KLRD1: variants seen among roughly 807,000 people sequenced by gnomAD.
KLRD1 encodes the protein natural killer cells antigen CD94.
In KLRD1, 21 loss-of-function variants were observed where a neutral mutation model predicts 22.6. The ratio of observed to expected loss-of-function variants is 0.93; its 90% CI spans 0.66 to 1.34. KLRD1 has a LOEUF of 1.34. Ranked by LOEUF, KLRD1 falls within the 40% of genes most tolerant of loss-of-function variation. The probability of loss-of-function intolerance (pLI) is 0.00; values close to 1 mark genes in which losing one functional copy is unlikely to be tolerated. For synonymous variants in KLRD1, 59 were observed against 71.1 expected (o/e 0.83, Z 0.85); for missense variants, 183 against 208.6 (o/e 0.88, Z 0.76).
intron 1 of KLRD1, among the ~76,000 whole-genome samples, chr12:10,261,228 T>G (rs1949451389): frequency 6.6e-6 from 1 of 152,198 alleles, no homozygotes; most frequent in African/African-American, 2.4e-5. Flanking sequence ...GAAGAGCACC[T>G]TCTAAGAATA....
At chr12:10,240,184 C>G (rs1352102688) in intron 1 of KLRD1, among the ~76,000 whole-genome samples, 2 of 151,980 alleles carry the variant, frequency 1.3e-5, no homozygotes, top group African/African-American at 4.8e-5. Flanking sequence ...CCTCAGCCCC[C>G]CAAGTCGCTG....
chr12:10,312,667 C>T (rs1348488104), intron 4 of KLRD1, among the ~76,000 whole-genome samples: 1 of 151,244 alleles, frequency 6.6e-6, no homozygotes, highest in Non-Finnish European at 1.5e-5. Flanking sequence ...CGTGAGCCAC[C>T]GTGCCCGGCC....
rs1336052670 is a variant in KLRD1 at position 10,242,078 on chromosome 12, T to TTTTTG, written c.-101+15849_-101+15850insGTTTT. Among the ~76,000 whole-genome samples, 10 of 148,900 alleles carry TTTTTG rather than the reference T, an allele frequency of 6.7e-5. No individual in the cohort carries two copies. The South Asian group carries it at 1.3e-3, about 19-fold the overall frequency. On this transcript the variant is annotated intron_variant, in intron 1 of 5. Transcript: ENST00000544747. ...TTTGTTACTGTTCTTGCTGTTTTTT[T>TTTTTG]TTTTTTTTTTTTCAGAGAAGAGTGA...
intron 1 of KLRD1, among the ~76,000 whole-genome samples, chr12:10,240,833 T>A (rs536378582): frequency 6.6e-6 from 1 of 152,376 alleles, no homozygotes; most frequent in Non-Finnish European, 1.5e-5. Context: ...GGTGACTAGT[T>A]ATATCTTTTA....
chr12:10,309,298 T>C (rs1242870910), intron 1 of KLRD1, 90 bp from the exon 2 acceptor site: 2 of 710,464 alleles, frequency 2.8e-6, no homozygotes, highest in African/African-American at 3.5e-5. Context: ...GAAAGAATGT[T>C]GTGGATTCTC....
chr12:10,304,032 T>C (rs1172860509), upstream of KLRD1, among the ~76,000 whole-genome samples: 2 of 152,196 alleles, frequency 1.3e-5, no homozygotes, highest in African/African-American at 4.8e-5. Context: ...GGACAAAACT[T>C]AACCAGTTCT....
rs1039058363 is a variant in KLRD1 at position 10,316,316 on chromosome 12, G to A, written c.*1523G>A. On this transcript the variant is annotated 3_prime_UTR_variant, in exon 6 of 6. Coordinates refer to ENST00000336164, the MANE Select transcript of KLRD1 (RefSeq NM_002262.5). Reference sequence around the variant, plus strand: ...GGTGTACCAATTAGAAACCACTTTAGAGTTATGCCTACTGTACCCACATAA... The same window carrying A: ...GGTGTACCAATTAGAAACCACTTTAAAGTTATGCCTACTGTACCCACATAA... The A allele has an allele frequency of 6.6e-6, 1 of 152,028 alleles. No individual in the cohort carries two copies. The highest frequency in any genetic ancestry group is 1.5e-5 in the Non-Finnish European group (1 of 68,000). The allele number at this position is 152,028 out of a possible 1,614,324, so 9.4% of individuals were successfully genotyped here.
chr12:10,307,093 A>G (rs1949943145), upstream of KLRD1, among the ~76,000 whole-genome samples: 1 of 152,216 alleles, frequency 6.6e-6, no homozygotes, highest in Non-Finnish European at 1.5e-5. Flanking sequence ...CACATTGGAA[A>G]TTTGACCTGT....
intron 1 of KLRD1, among the ~76,000 whole-genome samples, chr12:10,286,931 A>T (rs150977660): frequency 4.3e-4 from 65 of 152,202 alleles, no homozygotes; most frequent in African/African-American, 1.5e-3. Context: ...TGAGGTCATG[A>T]GTTCGAGACC....
chr12:10,255,111 G>A (rs1949383357), intron 1 of KLRD1, among the ~76,000 whole-genome samples: 1 of 132,360 alleles, frequency 7.6e-6, no homozygotes, highest in African/African-American at 2.8e-5. Context: ...TGGTGAGGAT[G>A]CAGAGAAAAG....
chr12:10,278,538 C>G (rs1441434298), intron 1 of KLRD1, among the ~76,000 whole-genome samples: 4 of 152,144 alleles, frequency 2.6e-5, no homozygotes, highest in Admixed American at 2.6e-4. Context: ...ATTATGAATT[C>G]AAGAACAGTC....
chr12:10,245,363 C>CA (rs1234690632), intron 1 of KLRD1, among the ~76,000 whole-genome samples: 6 of 151,854 alleles, frequency 4.0e-5, no homozygotes, highest in Non-Finnish European at 8.8e-5. Context: ...ATCTCAAAAA[C>CA]AAAAAATAAG....
chr12:10,255,105 GA>G (rs1949383213), intron 1 of KLRD1, among the ~76,000 whole-genome samples: 3 of 152,028 alleles, frequency 2.0e-5, no homozygotes, highest in Non-Finnish European at 1.5e-5. Flanking sequence ...AGATGCTGGT[GA>G]GGATGCAGAG....
intron 1 of KLRD1, among the ~76,000 whole-genome samples, chr12:10,241,768 G>A (rs993620458): frequency 2.0e-5 from 3 of 152,112 alleles, no homozygotes; most frequent in African/African-American, 7.2e-5. Context: ...GTTTATATAT[G>A]TGTATGTATA....
intron 1 of KLRD1, among the ~76,000 whole-genome samples, chr12:10,299,386 G>A (rs7958472): frequency 0.78 from 119,013 of 152,024 alleles, 50,601 homozygotes; most frequent in Non-Finnish European, 0.94. Context: ...CATAATATAA[G>A]CAAACCTTGG....
chr12:10,282,504 G>C (rs922406027), intron 1 of KLRD1, among the ~76,000 whole-genome samples: 2 of 152,008 alleles, frequency 1.3e-5, no homozygotes, highest in Non-Finnish European at 2.9e-5. Context: ...TGATCCGCCT[G>C]CCTCAGCCTC....
intron 1 of KLRD1, among the ~76,000 whole-genome samples, chr12:10,240,769 C>T (rs1452972555): frequency 2.0e-5 from 3 of 152,140 alleles, no homozygotes; most frequent in Non-Finnish European, 4.4e-5. Context: ...TTTTTAAGTA[C>T]ATTTAAGTCA....
At chr12:10,287,492 A>T (rs1298737606) in intron 1 of KLRD1, among the ~76,000 whole-genome samples, 2 of 152,188 alleles carry the variant, frequency 1.3e-5, no homozygotes, top group East Asian at 3.8e-4. Context: ...ATAAATTCTA[A>T]GTTTTAAAAA....
intron 1 of KLRD1, among the ~76,000 whole-genome samples, chr12:10,291,218 A>G (rs928486979): frequency 2.0e-5 from 3 of 152,210 alleles, no homozygotes; most frequent in African/African-American, 4.8e-5. Context: ...TTTCTGGTGG[A>G]TCTTGCCTCA....
Sources: gnomAD v4.1 joint callset for allele counts (sites outside exome capture counted in the v4.1 genomes callset) on GRCh38, gnomAD v4.1.1 for gene constraint, MANE v1.5 for transcripts, NCBI Gene and HGNC (gene_info 2026-07-23, HGNC 2026-07-21) for gene names.